Variants in REEP3 observed in about 807,000 individuals in gnomAD.
REEP3 encodes the protein receptor accessory protein 3.
Under a neutral mutation model 41.3 loss-of-function variants are expected in REEP3, and 20 were observed. The ratio of observed to expected loss-of-function variants is 0.48; its 90% confidence interval spans 0.34 to 0.70. The LOEUF is 0.70. REEP3 is among the 30% of genes least tolerant of loss of function. The pLI is 0.01. For synonymous variants in REEP3, 104 were observed against 101.8 expected (o/e 1.02, Z -0.13); for missense variants, 271 against 308.8 (o/e 0.88, Z 0.92).
At chr10:63,556,943 T>C (rs1465680928) in intron 1 of REEP3, among the ~76,000 whole-genome samples, 1 of 152,138 alleles carries the variant, frequency 6.6e-6, no homozygotes, top group Non-Finnish European at 1.5e-5. Flanking sequence ...CCTTTGCTTG[T>C]TTTTTGATCC....
chr10:63,624,287 CAG>C lies in REEP3; in HGVS notation c.*3420_*3421del, dbSNP rs1230007330. ...AAATATCACTTAAGATTAAATTTTT[CAG>C]AAAGAAAATTATAGCTTTTTTCCCA... is the stretch of plus-strand genomic sequence containing the variant. On this transcript the variant is annotated 3_prime_UTR_variant, in exon 8 of 8. Coordinates refer to ENST00000373758, the MANE Select transcript of REEP3 (RefSeq NM_001001330.3). 1 of 151,974 alleles carries C rather than the reference CAG, an allele frequency of 6.6e-6. No homozygotes were observed. The highest frequency in any genetic ancestry group is 2.4e-5 in the African/African-American group (1 of 41,424). The allele number at this position is 151,974 out of a possible 1,614,324, so 9.4% of individuals were successfully genotyped here.
At chr10:63,593,560 C>A (rs1956085353) in intron 2 of REEP3, among the ~76,000 whole-genome samples, 1 of 152,086 alleles carries the variant, frequency 6.6e-6, no homozygotes, top group African/African-American at 2.4e-5. Flanking sequence ...AATTCCTCGC[C>A]CCCTGGTTGG....
chr10:63,602,480 C>A (rs1040305370), intron 5 of REEP3, among the ~76,000 whole-genome samples: 1 of 152,124 alleles, frequency 6.6e-6, no homozygotes, highest in African/African-American at 2.4e-5. Flanking sequence ...TTAAAAGCAT[C>A]CTTCAACATG....
chr10:63,595,878 A>G (rs180672004), intron 3 of REEP3, among the ~76,000 whole-genome samples: 1 of 152,334 alleles, frequency 6.6e-6, no homozygotes, highest in East Asian at 1.9e-4. Flanking sequence ...GCACCCAGCT[A>G]AAATGACTCT....
chr10:63,527,396 G>A (rs1002916119), intron 1 of REEP3, among the ~76,000 whole-genome samples: 1 of 152,092 alleles, frequency 6.6e-6, no homozygotes, highest in Non-Finnish European at 1.5e-5. Context: ...TCCAAGCCGG[G>A]CACAGTGGCT....
chr10:63,602,631 CTAT>C (rs1188111393), intron 5 of REEP3, among the ~76,000 whole-genome samples: 1 of 152,104 alleles, frequency 6.6e-6, no homozygotes, highest in Non-Finnish European at 1.5e-5. Context: ...GTATAATAAT[CTAT>C]TATTCTCCTA....
chr10:63,558,131 C>A (rs1307346488), intron 1 of REEP3, among the ~76,000 whole-genome samples: 1 of 152,104 alleles, frequency 6.6e-6, no homozygotes, highest in African/African-American at 2.4e-5. Flanking sequence ...ATGACTTTCC[C>A]CCCAAAGGAG....
intron 1 of REEP3, chr10:63,563,019 C>G: frequency 4.4e-6 from 2 of 456,446 alleles, no homozygotes; most frequent in Non-Finnish European, 8.8e-6. Flanking sequence ...TTAGGCCACA[C>G]ACACAAACTG....
At chr10:63,571,399 C>A (rs1243242337) in intron 2 of REEP3, among the ~76,000 whole-genome samples, 1 of 152,092 alleles carries the variant, frequency 6.6e-6, no homozygotes, top group African/African-American at 2.4e-5. Flanking sequence ...AGTCTGTTTC[C>A]CTGTCTACTC....
chr10:63,574,858 T>C (rs1955884188), intron 2 of REEP3, among the ~76,000 whole-genome samples: 4 of 109,822 alleles, frequency 3.6e-5, no homozygotes, highest in South Asian at 6.7e-4. Context: ...TTTTTTTTTT[T>C]TTTTTTTTTT....
In REEP3 at chr10:63,622,688, G is replaced by A. The variant is rs913480056; in HGVS notation, c.*1819G>A. 19 of 142,088 alleles carry A rather than the reference G, an allele frequency of 1.3e-4. No individual in the cohort carries two copies. Among genetic ancestry groups the A allele is most frequent in the Non-Finnish European group, 4.5e-5 (3 of 67,004 alleles). 8.8% of individuals were successfully genotyped at this position (142,088 alleles called of 1,614,324 possible). ...GTCAAGAACTTTATCTGTGGGAGCT[G>A]ATTTGCACCATTTTACCTTTTTTTT... is the stretch of plus-strand genomic sequence containing the variant. On this transcript the variant is annotated 3_prime_UTR_variant, in exon 8 of 8. Transcript: ENST00000373758.
chr10:63,528,195 G>C, intron 1 of REEP3, among the ~76,000 whole-genome samples: 1 of 152,024 alleles, frequency 6.6e-6, no homozygotes, highest in Admixed American at 6.6e-5. Flanking sequence ...TTTGCTCCAC[G>C]TGGAAACATC....
intron 1 of REEP3, among the ~76,000 whole-genome samples, chr10:63,542,013 C>A (rs964086454): frequency 7.9e-5 from 12 of 151,990 alleles, no homozygotes; most frequent in Non-Finnish European, 1.6e-4. Context: ...CAAAACACAT[C>A]ATTATCCTAA....
At chr10:63,612,209 CTG>C (rs1295525960) in intron 6 of REEP3, among the ~76,000 whole-genome samples, 2 of 152,060 alleles carry the variant, frequency 1.3e-5, no homozygotes, top group African/African-American at 4.8e-5. Flanking sequence ...GGGTCTCACT[CTG>C]TCACCCAGGC....
intron 1 of REEP3, among the ~76,000 whole-genome samples, chr10:63,554,112 A>C (rs549031831): frequency 6.6e-6 from 1 of 152,094 alleles, no homozygotes; most frequent in African/African-American, 2.4e-5. Context: ...AAAAAAAAAA[A>C]AAAACCTTAG....
chr10:63,618,866 C>G (rs1374911802), intron 6 of REEP3, among the ~76,000 whole-genome samples: 1 of 152,250 alleles, frequency 6.6e-6, no homozygotes, highest in East Asian at 1.9e-4. Flanking sequence ...TGAGGCCAAG[C>G]CTCAAGATGC....
chr10:63,576,864 A>G (rs1359269235), intron 2 of REEP3, among the ~76,000 whole-genome samples: 3 of 152,130 alleles, frequency 2.0e-5, no homozygotes, highest in African/African-American at 4.8e-5. Flanking sequence ...CTTTTCATAT[A>G]AAGACACCAG....
intron 2 of REEP3, among the ~76,000 whole-genome samples, chr10:63,579,245 G>A (rs1255256424): frequency 6.6e-6 from 1 of 152,060 alleles, no homozygotes; most frequent in Non-Finnish European, 1.5e-5. Flanking sequence ...TAGCCAGGCT[G>A]ATCTCAAACT....
At chr10:63,558,914 T>G (rs760517397) in intron 1 of REEP3, among the ~76,000 whole-genome samples, 1 of 152,146 alleles carries the variant, frequency 6.6e-6, no homozygotes, top group Non-Finnish European at 1.5e-5. Context: ...TTTTGTTTGT[T>G]TAATATTAGC....
Sources: allele counts gnomAD v4.1 joint callset (sites outside exome capture counted in the v4.1 genomes callset), GRCh38; gene constraint gnomAD v4.1.1; transcripts MANE v1.5; gene names NCBI Gene and HGNC (gene_info 2026-07-23, HGNC 2026-07-21).